The following PPFIA4 variants were observed in gnomAD, a reference collection of about 807,000 sequenced individuals.
The protein encoded by PPFIA4 is PPFI scaffold protein A4, also known as liprin-alpha-4.
In PPFIA4, 98 loss-of-function variants were observed where a neutral mutation model predicts 145.7. The observed-to-expected ratio is 0.67, with a 90% CI of 0.57 to 0.80. PPFIA4 has a LOEUF of 0.80. Ranked by LOEUF, PPFIA4 falls within the 30% of genes least tolerant of loss-of-function variation. The pLI, the probability that PPFIA4 is intolerant of heterozygous loss-of-function variation, is 0.00. For synonymous variants in PPFIA4, 628 were observed against 649.6 expected (o/e 0.97, Z 0.51); for missense variants, 1,457 against 1,632.7 (o/e 0.89, Z 1.85).
chr1:203,032,309 T>C (rs1200336953), intron 1 of PPFIA4, among the ~76,000 whole-genome samples: 1 of 152,166 alleles, frequency 6.6e-6, no homozygotes, highest in Non-Finnish European at 1.5e-5. Flanking sequence ...TAAAGCCTAG[T>C]TTGCAAACAC....
At position 203,043,574 on chromosome 1, in the gene PPFIA4, G is replaced by A; in HGVS notation, c.336+76G>A. The A allele has an allele frequency of 7.4e-7, 1 of 1,354,482 alleles. No individual in the cohort carries two copies. Among genetic ancestry groups the A allele is most frequent in the Non-Finnish European group, 1.0e-6 (1 of 970,450 alleles). The allele number at this position is 1,354,482 out of a possible 1,614,324, so 83.9% of individuals were successfully genotyped here. On this transcript the variant is annotated intron_variant, in intron 3 of 29. Coordinates refer to ENST00000295706, the MANE Select transcript of PPFIA4 (RefSeq NM_001304331.2). This position sits in a 1 kb window ranked among gnomAD's most constrained non-coding sequence, Gnocchi z 4.4. ...TATGGGGGTGTGTTGTGAACACCTT[G>A]ACCAAGAGAGCAGGCAAGAGTGGGG...
intron 20 of PPFIA4, among the ~76,000 whole-genome samples, chr1:203,059,532 T>G (rs537028357): frequency 6.6e-6 from 1 of 152,128 alleles, no homozygotes. Flanking sequence ...AATCTCTAAG[T>G]CAATGTCAGG....
At position 203,048,766 on chromosome 1, in the gene PPFIA4, C is replaced by CGGGGGGG; in HGVS notation, c.1356+58_1356+59insGGGGGGG. ...CGAGAGGTTAGTGCTGGGTGTGGGGCGGGGGGAGGCGGGACTGTGATGGGC... is the reference window on the plus strand; with the variant it reads ...CGAGAGGTTAGTGCTGGGTGTGGGGCGGGGGGGGGGGGGAGGCGGGACTGTGATGGGC... On this transcript the variant is annotated intron_variant, in intron 11 of 29. Coordinates refer to ENST00000295706, the MANE Select transcript of PPFIA4 (RefSeq NM_001304331.2). This position sits in a 1 kb window ranked among gnomAD's most constrained non-coding sequence, Gnocchi z 5.8. 1 of 372,524 alleles carries CGGGGGGG rather than the reference C, an allele frequency of 2.7e-6. No homozygotes were observed. The highest frequency in any genetic ancestry group is 1.4e-4 in the East Asian group (1 of 7,278). 23.1% of individuals were successfully genotyped at this position (372,524 alleles called of 1,614,324 possible).
At position 203,078,629 on chromosome 1, in the gene PPFIA4, A is replaced by C. The variant is rs1360480149; in HGVS notation, c.*2239A>C. 1 of 152,114 alleles carries C rather than the reference A, an allele frequency of 6.6e-6. No homozygotes were observed. The highest frequency in any genetic ancestry group is 1.5e-5 in the Non-Finnish European group (1 of 67,978). 9.4% of individuals were successfully genotyped at this position (152,114 alleles called of 1,614,324 possible). A position where few individuals can be genotyped will look rare whatever the true frequency, so the allele number is the denominator to read the frequency against. On this transcript the variant is annotated 3_prime_UTR_variant, in exon 30 of 30. Transcript: ENST00000295706. Reference sequence around the variant, plus strand: ...CCTGTATCTCATCAGGTCCCTTCTCAGTACTGTATTTGCTCAGTGCATCAG... The same window carrying C: ...CCTGTATCTCATCAGGTCCCTTCTCCGTACTGTATTTGCTCAGTGCATCAG...
At chr1:203,065,525 T>G (rs992199417) in intron 25 of PPFIA4, among the ~76,000 whole-genome samples, 2 of 152,012 alleles carry the variant, frequency 1.3e-5, no homozygotes, top group African/African-American at 4.8e-5. Context: ...CCGCAACCCC[T>G]CTGCCCCATC....
chr1:203,075,661 A>G lies in PPFIA4; in HGVS notation c.3478A>G (p.Ser1160Gly). ...GCACCACGGTCGCGGCGGCATGCTC[A>G]GCGCTTCCGCGGAGACCCTCCCGGC... ...REHHGRGGML[S>G]ASAETLPAGF... The change falls in exon 29 of 30, where the codon AGC (serine) becomes GGC (glycine). Residue 1160 changes from serine (S) to glycine (G), a missense_variant. Ser to Gly is a moderately conservative substitution (Grantham distance 56). Transcript: ENST00000295706. This position sits in a 1 kb window ranked among gnomAD's most constrained non-coding sequence, Gnocchi z 4.1. 1 of 1,510,116 alleles carries G rather than the reference A, an allele frequency of 6.6e-7. No individual in the cohort carries two copies. Among genetic ancestry groups the G allele is most frequent in the South Asian group, 1.3e-5 (1 of 78,680 alleles). 93.5% of individuals were successfully genotyped at this position (1,510,116 alleles called of 1,614,324 possible).
intron 1 of PPFIA4, chr1:203,034,802 AGACAT>A (rs1188103538): frequency 7.1e-6 from 3 of 424,328 alleles, no homozygotes; most frequent in Non-Finnish European, 1.4e-5. Flanking sequence ...TTCTTGGAGA[AGACAT>A]GAAGTCTGAA....
chr1:203,071,766 T>A lies in PPFIA4; in HGVS notation c.3393+6T>A. On this transcript the variant is annotated splice_donor_region_variant and intron_variant, in intron 28 of 29. Coordinates refer to ENST00000295706, the MANE Select transcript of PPFIA4 (RefSeq NM_001304331.2). Reference sequence around the variant, plus strand: ...CAGACCGGAAGCTGGATGACGTGAGTACCTGGCCATGAATTAGGAGCCTTG... The same window carrying A: ...CAGACCGGAAGCTGGATGACGTGAGAACCTGGCCATGAATTAGGAGCCTTG... The A allele has an allele frequency of 1.2e-6, 2 of 1,607,006 alleles. No homozygotes were observed. The highest frequency in any genetic ancestry group is 1.7e-6 in the Non-Finnish European group (2 of 1,174,580).
intron 14 of PPFIA4, among the ~76,000 whole-genome samples, chr1:203,052,887 A>G (rs1660634446): frequency 2.0e-5 from 3 of 152,158 alleles, no homozygotes. Context: ...AACTCTGCAG[A>G]CTGTCTATTC....
chr1:203,036,001 A>T (rs1002819844), intron 1 of PPFIA4, among the ~76,000 whole-genome samples: 14 of 152,210 alleles, frequency 9.2e-5, no homozygotes, highest in Non-Finnish European at 1.8e-4. Flanking sequence ...CCAGCTTCTC[A>T]GTTGCTAAAA....
rs1488832191 is a variant in PPFIA4, at chr1:203,048,692, G to T, written c.1334G>T (p.Arg445Leu). Residue 445 changes from arginine (R) to leucine (L), a missense_variant, in exon 11 of 30, where the codon CGC becomes CTC. Coordinates refer to ENST00000295706, the MANE Select transcript of PPFIA4 (RefSeq NM_001304331.2). The surrounding 1 kb of genome is among the most constrained non-coding windows in gnomAD (Gnocchi z 5.8). Reference protein sequence around the residue: ...NERLQLHLKERMAALEEKNTL... With the variant: ...NERLQLHLKELMAALEEKNTL... ...CGTCTGCAGCTCCACCTGAAGGAGC[G>T]CATGGCTGCCCTGGAGGAGAAGGTG... The T allele has an allele frequency of 1.9e-6, 3 of 1,610,908 alleles. No individual in the cohort carries two copies. Among genetic ancestry groups the T allele is most frequent in the East Asian group, 2.2e-5 (1 of 44,776 alleles).
At position 203,043,532 on chromosome 1, in the gene PPFIA4, A is replaced by G. The variant is rs1210596100; in HGVS notation, c.336+34A>G. The G allele has an allele frequency of 6.5e-7, 1 of 1,539,984 alleles. No individual in the cohort carries two copies. The highest frequency in any genetic ancestry group is 8.8e-7 in the Non-Finnish European group (1 of 1,130,386). On this transcript the variant is annotated intron_variant, in intron 3 of 29. Coordinates refer to ENST00000295706, the MANE Select transcript of PPFIA4 (RefSeq NM_001304331.2). The surrounding 1 kb of genome is among the most constrained non-coding windows in gnomAD (Gnocchi z 4.4). ...GGATGACCTTGTGTCGCGCGCGCGC[A>G]CGTGTGTGTGTGTGTGTATGGGGGT...
rs1661568349 is a variant in PPFIA4, at chr1:203,064,004, G to A, written c.3050+1G>A. On this transcript the variant is annotated splice_donor_variant, in intron 25 of 29. Transcript: ENST00000295706. LOFTEE classifies it high-confidence loss of function. ...TGAAGATGGTGGACAGCTTCCATCG[G>A]TGAGCGCGGCTGGGACCCAGGGCCA... The A allele has an allele frequency of 6.2e-7, 1 of 1,611,668 alleles. No homozygotes were observed. Among genetic ancestry groups the A allele is most frequent in the Non-Finnish European group, 8.5e-7 (1 of 1,179,210 alleles).
At chr1:203,037,312 AC>A (rs2102617974) in intron 1 of PPFIA4, 2 of 169,352 alleles carry the variant, frequency 1.2e-5, no homozygotes, top group Non-Finnish European at 1.3e-5. Context: ...CTTCTTGTCC[AC>A]CCTGACCCTC....
At chr1:203,046,037 G>A in intron 8 of PPFIA4, 50 bp downstream of exon 8, 1 of 1,609,606 alleles carries the variant, frequency 6.2e-7, no homozygotes, top group Non-Finnish European at 8.5e-7. Flanking sequence ...AGCCCTGGAG[G>A]TGTCCTCGTG....
chr1:203,049,882 G>T, intron 13 of PPFIA4, 115 bp downstream of exon 13: 1 of 922,930 alleles, frequency 1.1e-6, no homozygotes, highest in South Asian at 2.6e-5. Flanking sequence ...CTCCTGTTCA[G>T]GGTGGGACAC....
Position 203,056,807 on chromosome 1 carries a change from ACCCCAGCAGCAG to A in PPFIA4, c.2266_2277del (p.Pro756_Ser759del). On this transcript the variant is annotated inframe_deletion, in exon 19 of 30. Transcript: ENST00000295706. ...AGTGCCTTGGAGGATCAGGGCAGCA[ACCCCAGCAGCAG>A]CAACAGCAGCCAGGACTCCCTGCAC... 1 of 1,612,744 alleles carries A rather than the reference ACCCCAGCAGCAG, an allele frequency of 6.2e-7. No homozygotes were observed. Among genetic ancestry groups the A allele is most frequent in the Non-Finnish European group, 8.5e-7 (1 of 1,179,264 alleles).
At chr1:203,054,131 G>T in intron 15 of PPFIA4, 170 bp downstream of exon 15, 2 of 788,480 alleles carry the variant, frequency 2.5e-6, no homozygotes. Context: ...GGAGTGAGAG[G>T]AGCAGGGCCT....
intron 13 of PPFIA4, among the ~76,000 whole-genome samples, chr1:203,050,715 C>T (rs1171258369): frequency 2.0e-5 from 3 of 152,084 alleles, no homozygotes; most frequent in African/African-American, 2.4e-5. Flanking sequence ...GCCATCTCCA[C>T]GCTCGCCAGG....
Sources: gnomAD v4.1 joint callset for allele counts (sites outside exome capture counted in the v4.1 genomes callset) on GRCh38, gnomAD v4.1.1 for gene constraint, Gnocchi (gnomAD v3.1) non-coding constraint, MANE v1.5 for transcripts, NCBI Gene and HGNC (gene_info 2026-07-23, HGNC 2026-07-21) for gene names.